ST18: variants seen among roughly 807,000 people sequenced by gnomAD.
ST18 encodes ST18 C2H2C-type zinc finger transcription factor, also known as suppression of tumorigenicity 18 protein.
In ST18, 50 loss-of-function variants were observed where a neutral mutation model predicts 110.0. The observed-to-expected ratio is 0.45, with a 90% CI of 0.36 to 0.58. The LOEUF (loss-of-function observed/expected upper bound fraction) is 0.58. Ranked by LOEUF, ST18 falls within the 20% of genes least tolerant of loss-of-function variation. The probability of loss-of-function intolerance (pLI) is 0.00; values close to 1 mark genes in which losing one functional copy is unlikely to be tolerated. For missense variants in ST18, 1,306 were observed against 1,280.1 expected (o/e 1.02, Z -0.31); for synonymous variants, 461 against 452.4 (o/e 1.02, Z -0.24).
chr8:52,266,907 C>A (rs2094890051), intron 2 of ST18, among the ~76,000 whole-genome samples: 1 of 152,158 alleles, frequency 6.6e-6, no homozygotes, highest in Non-Finnish European at 1.5e-5. Context: ...CCTTTCTCTG[C>A]AGCCCTGTGC....
chr8:52,315,556 TTTAC>T (rs1440153707), intron 2 of ST18, among the ~76,000 whole-genome samples: 7 of 152,358 alleles, frequency 4.6e-5, no homozygotes, highest in African/African-American at 1.7e-4. Flanking sequence ...TTCTCTTTAA[TTTAC>T]TTACTATTAT....
chr8:52,360,087 A>G (rs930999320), intron 2 of ST18, among the ~76,000 whole-genome samples: 2 of 152,124 alleles, frequency 1.3e-5, no homozygotes, highest in Non-Finnish European at 2.9e-5. Context: ...GTTCAGTTTC[A>G]TTCTTCTATA....
At chr8:52,303,448 G>T (rs545136819) in intron 2 of ST18, among the ~76,000 whole-genome samples, 1 of 152,350 alleles carries the variant, frequency 6.6e-6, no homozygotes, top group East Asian at 1.9e-4. Flanking sequence ...CATCTGCAAA[G>T]ACTTTATTTC....
At chr8:52,370,022 G>A (rs1044335607) in intron 2 of ST18, among the ~76,000 whole-genome samples, 1 of 152,170 alleles carries the variant, frequency 6.6e-6, no homozygotes, top group South Asian at 2.1e-4. Context: ...CACAGAGCGT[G>A]GTCACCCGCT....
At chr8:52,280,466 T>A (rs2095354940) in intron 2 of ST18, among the ~76,000 whole-genome samples, 1 of 152,002 alleles carries the variant, frequency 6.6e-6, no homozygotes, top group African/African-American at 2.4e-5. Flanking sequence ...TACACTTGTG[T>A]TTATATGTGT....
chr8:52,138,710 T>C (rs2053549345), intron 17 of ST18, among the ~76,000 whole-genome samples: 1 of 152,240 alleles, frequency 6.6e-6, no homozygotes, highest in South Asian at 2.1e-4. Flanking sequence ...CACTCATTTG[T>C]AATAAGCAGG....
At chr8:52,158,583 A>G (rs1563753473) in intron 15 of ST18, among the ~76,000 whole-genome samples, 2 of 152,234 alleles carry the variant, frequency 1.3e-5, no homozygotes. Flanking sequence ...CTTGTGTGCC[A>G]AATTCCCCAT....
chr8:52,362,804 T>C (rs894639155), intron 2 of ST18, among the ~76,000 whole-genome samples: 4 of 152,158 alleles, frequency 2.6e-5, no homozygotes, highest in African/African-American at 9.7e-5. Context: ...GTAGGGTCCT[T>C]CTTACACTTA....
At chr8:52,148,654 A>G (rs2058013519) in intron 16 of ST18, among the ~76,000 whole-genome samples, 4 of 149,772 alleles carry the variant, frequency 2.7e-5, no homozygotes, top group Admixed American at 2.7e-4. Context: ...GTGCTGAAGG[A>G]AAGAAGGAAG....
chr8:52,171,543 A>T (rs1402741794), intron 10 of ST18: 1 of 587,238 alleles, frequency 1.7e-6, no homozygotes, highest in Non-Finnish European at 3.2e-6. Context: ...AAAACAGTTA[A>T]ATTAAGAGAA....
intron 2 of ST18, among the ~76,000 whole-genome samples, chr8:52,390,997 T>A (rs1839140416): frequency 6.6e-6 from 1 of 152,204 alleles, no homozygotes; most frequent in Non-Finnish European, 1.5e-5. Flanking sequence ...TTTCTTCCTC[T>A]CTCTGGTTTG....
In ST18 at chr8:52,153,398, G is replaced by GT. The variant is rs772493631; in HGVS notation, c.1807-3422dup. The stretch of plus-strand genomic sequence containing the variant: ...CCCTGGCTTTCATCTAGCAGCTGAT[G>GT]TTTTTTATTCTTGCTTCAAGGTTTT... On this transcript the variant is annotated intron_variant, in intron 15 of 25. Transcript: ENST00000689386. 8.5e-5 allele frequency among the ~76,000 whole-genome samples: 13 copies of GT among 152,098 alleles called. No homozygotes were observed. In the East Asian group the frequency reaches 2.5e-3, roughly 29 times the overall value.
At chr8:52,208,711 G>A in intron 8 of ST18, among the ~76,000 whole-genome samples, 1 of 152,208 alleles carries the variant, frequency 6.6e-6, no homozygotes, top group South Asian at 2.1e-4. Flanking sequence ...CCAGCTGCTA[G>A]GGAGGCTGAG....
At chr8:52,145,113 T>C (rs2056798913) in intron 16 of ST18, among the ~76,000 whole-genome samples, 2 of 152,044 alleles carry the variant, frequency 1.3e-5, no homozygotes, top group Admixed American at 1.3e-4. Flanking sequence ...TTATTATTTA[T>C]GGCAAAGTTA....
intron 2 of ST18, among the ~76,000 whole-genome samples, chr8:52,281,197 T>C (rs2139146067): frequency 6.6e-6 from 1 of 152,248 alleles, no homozygotes; most frequent in South Asian, 2.1e-4. Context: ...TGTGTAGCCT[T>C]AAGTGTATGT....
chr8:52,216,069 A>G (rs11988076), intron 6 of ST18, among the ~76,000 whole-genome samples: 32,659 of 152,206 alleles, frequency 0.21, 4,108 homozygotes, highest in African/African-American at 0.34. Context: ...CACTCTGAAG[A>G]ATTGCCCAAA....
intron 2 of ST18, chr8:52,393,427 C>A (rs538778043): frequency 5.3e-5 from 8 of 152,274 alleles, no homozygotes; most frequent in South Asian, 4.1e-4. Context: ...CATTGCAACA[C>A]ATCCTCAAAC....
intron 2 of ST18, among the ~76,000 whole-genome samples, chr8:52,356,626 A>G (rs977918471): frequency 1.3e-5 from 2 of 152,208 alleles, no homozygotes; most frequent in Non-Finnish European, 2.9e-5. Context: ...AAATCAGTAG[A>G]TTATGGTCAT....
At chr8:52,255,045 C>T (rs2138495992) in intron 2 of ST18, among the ~76,000 whole-genome samples, 1 of 152,216 alleles carries the variant, frequency 6.6e-6, no homozygotes, top group Non-Finnish European at 1.5e-5. Context: ...ACACAAGCCC[C>T]AAGCTATAAG....
Sources: allele counts gnomAD v4.1 joint callset (sites outside exome capture counted in the v4.1 genomes callset), GRCh38; gene constraint gnomAD v4.1.1; transcripts MANE v1.5; gene names NCBI Gene and HGNC (gene_info 2026-07-23, HGNC 2026-07-21).